Variants in TRIP12 observed in about 807,000 individuals in gnomAD.
TRIP12 encodes E3 ubiquitin-protein ligase TRIP12.
Under a neutral mutation model 244.2 loss-of-function variants are expected in TRIP12, and 25 were observed. That is an observed-to-expected ratio of 0.10 (90% confidence interval 0.07 to 0.14). The LOEUF is 0.14. Ranked by LOEUF, TRIP12 falls within the 10% of genes least tolerant of loss-of-function variation. TRIP12 has a pLI of 1.00. For synonymous variants in TRIP12, 905 were observed against 873.1 expected, an observed-to-expected ratio of 1.04 and a Z score of -0.64; for missense variants, 1,677 against 2,486.4, an observed-to-expected ratio of 0.67 and a Z score of 6.92.
chr2:229,840,767 A>C, intron 5 of TRIP12, 55 bp downstream of exon 5: 1 of 1,207,442 alleles, frequency 8.3e-7, no homozygotes. Context: ...ATGAAAGTTG[A>C]AATTGAGCAA....
rs777101792 is a variant in TRIP12, at chr2:229,771,574, T to C, written c.5753A>G (p.Asp1918Gly). The change falls in exon 39 of 42, where the codon GAT (aspartate) becomes GGT (glycine). Residue 1918 changes from aspartate (D) to glycine (G), a missense_variant. By Grantham distance (94) the Asp-to-Gly change is moderately conservative. Coordinates refer to ENST00000675903, the MANE Select transcript of TRIP12 (RefSeq NM_001348323.3). ...GAGTGGGAAGACTGATTCAAATCCA[T>C]CTCTGAACGAATCAAATTGCCTAGA... ...GVSRQFDSFR[D>G]GFESVFPLSH... 6.2e-7 allele frequency: 1 copy of C among 1,614,090 alleles called. No homozygotes were observed. Among genetic ancestry groups the C allele is most frequent in the Non-Finnish European group, 8.5e-7 (1 of 1,179,970 alleles).
chr2:229,784,111 A>G (rs1359829101), intron 34 of TRIP12, among the ~76,000 whole-genome samples: 2 of 131,498 alleles, frequency 1.5e-5, no homozygotes, highest in Non-Finnish European at 3.0e-5. Flanking sequence ...ACTCCGTCTC[A>G]AAAAAAAAAA....
chr2:229,856,679 T>C (rs1431126745), intron 4 of TRIP12, among the ~76,000 whole-genome samples: 1 of 152,164 alleles, frequency 6.6e-6, no homozygotes, highest in African/African-American at 2.4e-5. Flanking sequence ...CTGTGAATAT[T>C]ACATAGCAGG....
chr2:229,791,724 G>T, intron 29 of TRIP12, 142 bp downstream of exon 29: 1 of 830,196 alleles, frequency 1.2e-6, no homozygotes, highest in Non-Finnish European at 1.9e-6. Context: ...TCAAATATTT[G>T]AAATCGTCTT....
chr2:229,795,818 T>C (rs752934954), intron 25 of TRIP12, among the ~76,000 whole-genome samples: 17 of 152,226 alleles, frequency 1.1e-4, no homozygotes, highest in Admixed American at 6.5e-4. Context: ...AAACTATACA[T>C]AATACTGTCA....
chr2:229,783,806 C>CT (rs990812829), intron 34 of TRIP12, among the ~76,000 whole-genome samples: 6 of 134,740 alleles, frequency 4.5e-5, no homozygotes, highest in South Asian at 2.3e-4. Flanking sequence ...ACCAAACCAT[C>CT]TTTTAAAAAA....
At chr2:229,783,909 G>A (rs1161304211) in intron 34 of TRIP12, among the ~76,000 whole-genome samples, 5 of 151,230 alleles carry the variant, frequency 3.3e-5, no homozygotes, top group Non-Finnish European at 5.9e-5. Flanking sequence ...TCAGGAGTTC[G>A]AGACCAGCCT....
chr2:229,858,851 T>G lies in TRIP12; in HGVS notation c.948A>C (p.Lys316Asn). The part of the protein sequence containing the change: ...ARFSPKVSLP[K>N]TKLSLPGSSK... ...AAGACCCTGGAAGAGACAGTTTTGTTTTAGGAAGGCTAACTTTAGGGCTGA... is the reference window on the plus strand; with the variant it reads ...AAGACCCTGGAAGAGACAGTTTTGTGTTAGGAAGGCTAACTTTAGGGCTGA... The change falls in exon 4 of 42, where the codon AAA (lysine) becomes AAC (asparagine). Residue 316 changes from lysine to asparagine, a missense_variant. Coordinates refer to ENST00000675903, the MANE Select transcript of TRIP12 (RefSeq NM_001348323.3). 6.2e-7 allele frequency: 1 copy of G among 1,614,200 alleles called. No individual in the cohort carries two copies. The highest frequency in any genetic ancestry group is 8.5e-7 in the Non-Finnish European group (1 of 1,180,014).
chr2:229,834,775 A>G (rs1459162012), intron 6 of TRIP12, among the ~76,000 whole-genome samples: 1 of 152,142 alleles, frequency 6.6e-6, no homozygotes, highest in African/African-American at 2.4e-5. Flanking sequence ...AGAAAAAAAA[A>G]AAGAATGCAC....
chr2:229,817,620 C>A (rs919437745), intron 9 of TRIP12, among the ~76,000 whole-genome samples: 3 of 152,076 alleles, frequency 2.0e-5, no homozygotes, highest in Non-Finnish European at 4.4e-5. Flanking sequence ...GCTCCTGTTG[C>A]CCAGGCTGGA....
chr2:229,808,099 T>C (rs1291111709), intron 16 of TRIP12, among the ~76,000 whole-genome samples, 153 bp downstream of exon 16: 1 of 151,958 alleles, frequency 6.6e-6, no homozygotes, highest in Non-Finnish European at 1.5e-5. Flanking sequence ...CCCAAGCAGC[T>C]GGGATTACAG....
At position 229,813,924 on chromosome 2, in the gene TRIP12, T is replaced by C. The variant is rs376705395; in HGVS notation, c.1932A>G (p.Glu644=). The C allele has an allele frequency of 1.9e-6, 3 of 1,589,036 alleles. No individual in the cohort carries two copies. The highest frequency in any genetic ancestry group is 3.3e-5 in the Admixed American group (2 of 59,816). Residue 644 remains glutamate, a synonymous_variant, in exon 13 of 42, where the codon GAA becomes GAG. Transcript: ENST00000675903. The part of the protein sequence containing the change: ...ANCCQSITPD[E]FHFVADSLPL... ...GGAGTGAATCTGCCACAAAATGAAA[T>C]TCATCTGGCGTGATACTCTGGCAGC...
intron 1 of TRIP12, among the ~76,000 whole-genome samples, chr2:229,882,192 A>G (rs1017020358): frequency 2.0e-5 from 3 of 152,220 alleles, no homozygotes; most frequent in African/African-American, 7.2e-5. Flanking sequence ...ATACAGTGCC[A>G]ATCATGTAGC....
intron 4 of TRIP12, among the ~76,000 whole-genome samples, chr2:229,855,924 G>C (rs1278600135): frequency 2.0e-5 from 3 of 151,888 alleles, no homozygotes; most frequent in Non-Finnish European, 4.4e-5. Flanking sequence ...TGTAATCCCA[G>C]CTACTTGGGA....
upstream of TRIP12, chr2:229,922,590 T>C (rs755046970): frequency 6.2e-7 from 1 of 1,613,924 alleles, no homozygotes; most frequent in Non-Finnish European, 8.5e-7. Flanking sequence ...TATTACCAGT[T>C]ACTGGTCACC....
intron 17 of TRIP12, chr2:229,807,371 T>C: frequency 3.3e-6 from 1 of 301,792 alleles, no homozygotes; most frequent in South Asian, 3.9e-5. Flanking sequence ...TCTTTGCTCA[T>C]GGGACATTGC....
At chr2:229,873,250 G>GC (rs2063004357) in intron 2 of TRIP12, among the ~76,000 whole-genome samples, 1 of 152,168 alleles carries the variant, frequency 6.6e-6, no homozygotes, top group Non-Finnish European at 1.5e-5. Flanking sequence ...TGAACAGGAA[G>GC]TAAAAAATTA....
At chr2:229,898,769 A>G (rs2069691785) in intron 1 of TRIP12, among the ~76,000 whole-genome samples, 1 of 152,196 alleles carries the variant, frequency 6.6e-6, no homozygotes, top group Non-Finnish European at 1.5e-5. Context: ...AAAGCTCACT[A>G]TAACCTCCAC....
At chr2:229,817,947 G>C (rs1424125960) in intron 9 of TRIP12, among the ~76,000 whole-genome samples, 1 of 152,122 alleles carries the variant, frequency 6.6e-6, no homozygotes, top group Admixed American at 6.5e-5. Context: ...TATGGCTTGA[G>C]TAGTATTCCC....
Sources: allele counts gnomAD v4.1 joint callset (sites outside exome capture counted in the v4.1 genomes callset), GRCh38; gene constraint gnomAD v4.1.1; transcripts MANE v1.5; gene names NCBI Gene and HGNC (gene_info 2026-07-23, HGNC 2026-07-21).